Variants in PXDN observed in about 807,000 individuals in gnomAD.
PXDN encodes peroxidasin homolog.
Under a neutral mutation model 140.3 loss-of-function variants are expected in PXDN, and 77 were observed. The observed-to-expected ratio is 0.55, with a 90% CI of 0.46 to 0.66. The LOEUF (loss-of-function observed/expected upper bound fraction) is 0.66, where lower values mean the gene tolerates loss of function less well. Ranked by LOEUF, PXDN falls within the 30% of genes least tolerant of loss-of-function variation. The pLI is 0.00. For missense variants in PXDN, 1,838 were observed against 2,039.5 expected (o/e 0.90, Z 1.90); for synonymous variants, 911 against 857.4 (o/e 1.06, Z -1.09).
chr2:1,705,937 C>G (rs777331001), intron 1 of PXDN, among the ~76,000 whole-genome samples: 1 of 152,088 alleles, frequency 6.6e-6, no homozygotes, highest in South Asian at 2.1e-4. Context: ...AGCAGTTCTC[C>G]GTCCATTACG....
chr2:1,642,639 C>A (rs561814950), intron 19 of PXDN, among the ~76,000 whole-genome samples: 1 of 152,342 alleles, frequency 6.6e-6, no homozygotes, highest in Admixed American at 6.5e-5. Flanking sequence ...GGGATCTGAT[C>A]ATAGTTTGAA....
At chr2:1,732,434 G>C (rs909227807) in intron 1 of PXDN, among the ~76,000 whole-genome samples, 1 of 148,538 alleles carries the variant, frequency 6.7e-6, no homozygotes, top group African/African-American at 2.4e-5. Context: ...GGGGCCAGAA[G>C]GATCACAGGG....
chr2:1,680,215 G>C lies in PXDN; in HGVS notation c.708C>G (p.Ile236Met). 6.3e-7 allele frequency: 1 copy of C among 1,589,376 alleles called. No homozygotes were observed. The highest frequency in any genetic ancestry group is 8.6e-7 in the Non-Finnish European group (1 of 1,167,896). Residue 236 changes from isoleucine (I) to methionine (M), a missense_variant, in exon 7 of 23, where the codon ATC (isoleucine) becomes ATG (methionine). Around this residue, in one of 5 missense-constraint regions of PXDN, gnomAD observed 208 missense variants for 325.8 expected, o/e 0.64. Transcript: ENST00000252804. Reference protein sequence around the residue: ...RRIQGRSVATITPEELNCERP... With the variant: ...RRIQGRSVATMTPEELNCERP... ...CACCACAGTTCAGCTCTTCCGGGGT[G>C]ATGGTTGCCACTGAGCGTCCCTGGA...
rs1385882686 is a variant in PXDN at position 1,741,792 on chromosome 2, T to C, written c.200+2464A>G. Among the ~76,000 whole-genome samples, 4 of 152,134 alleles carry C rather than the reference T, an allele frequency of 2.6e-5. No homozygotes were observed. In the East Asian group the frequency reaches 5.8e-4, roughly 22 times the overall value. On this transcript the variant is annotated intron_variant, in intron 1 of 22. Transcript: ENST00000252804. ...TCTACCAAAAAATTGTAATAGAAAA[T>C]AATCACATATACATGAGAGCACAGT... is the stretch of plus-strand genomic sequence containing the variant.
chr2:1,721,565 G>T (rs190699901), intron 1 of PXDN, among the ~76,000 whole-genome samples: 44 of 152,272 alleles, frequency 2.9e-4, no homozygotes, highest in South Asian at 6.2e-4. Flanking sequence ...GGCCGGGTGC[G>T]GTGGCTCACG....
chr2:1,742,392 T>C (rs1377873932), intron 1 of PXDN, among the ~76,000 whole-genome samples: 1 of 152,186 alleles, frequency 6.6e-6, no homozygotes, highest in Non-Finnish European at 1.5e-5. Context: ...GATGCAAATG[T>C]ACCCTATGAG....
chr2:1,638,742 T>C, intron 21 of PXDN, 104 bp downstream of exon 21: 2 of 1,545,054 alleles, frequency 1.3e-6, no homozygotes, highest in South Asian at 2.3e-5. Flanking sequence ...TGTGGGCAGT[T>C]GAACAGTTGC....
chr2:1,708,287 C>T (rs539316815), intron 1 of PXDN, among the ~76,000 whole-genome samples: 6 of 152,232 alleles, frequency 3.9e-5, no homozygotes, highest in East Asian at 1.9e-4. Flanking sequence ...CCCAGCAGGA[C>T]GCTTTAGCCG....
chr2:1,663,568 A>G (rs1236115316), intron 12 of PXDN, 37 bp downstream of exon 12: 1 of 1,606,690 alleles, frequency 6.2e-7, no homozygotes, highest in Non-Finnish European at 8.5e-7. Flanking sequence ...AACCGATCTG[A>G]GAAAATCAAT....
At chr2:1,728,811 T>G (rs1167728075) in intron 1 of PXDN, among the ~76,000 whole-genome samples, 1 of 152,182 alleles carries the variant, frequency 6.6e-6, no homozygotes, top group Non-Finnish European at 1.5e-5. Flanking sequence ...AAACAAAGTG[T>G]CCTTCAACAG....
intron 13 of PXDN, among the ~76,000 whole-genome samples, chr2:1,661,637 CG>C (rs2125423599): frequency 6.6e-6 from 1 of 152,250 alleles, no homozygotes; most frequent in African/African-American, 2.4e-5. Context: ...CACAGAAACA[CG>C]GGTCATGGTG....
chr2:1,663,815 C>T, intron 11 of PXDN, 52 bp from the exon 12 acceptor site: 1 of 1,585,602 alleles, frequency 6.3e-7, no homozygotes. Flanking sequence ...TGGAGAACTC[C>T]TGCTCTCAGA....
chr2:1,653,797 T>C lies in PXDN; in HGVS notation c.1947-12A>G. On this transcript the variant is annotated splice_polypyrimidine_tract_variant and intron_variant, in intron 15 of 22. Transcript: ENST00000252804. Reference sequence around the variant, plus strand: ...GAGAACGAGGACGGCTAACCAGAGTTTAGGGGGAAGAAAGGAAGAATGAAA... The same window carrying C: ...GAGAACGAGGACGGCTAACCAGAGTCTAGGGGGAAGAAAGGAAGAATGAAA... 6.5e-7 allele frequency: 1 copy of C among 1,548,214 alleles called. No individual in the cohort carries two copies. The highest frequency in any genetic ancestry group is 8.8e-7 in the Non-Finnish European group (1 of 1,141,044).
At chr2:1,634,429 C>T in intron 22 of PXDN, 106 bp from the exon 23 acceptor site, 1 of 1,409,576 alleles carries the variant, frequency 7.1e-7, no homozygotes, top group Non-Finnish European at 9.5e-7. Flanking sequence ...TGAGTCAGGC[C>T]TTGCCCTGAG....
At chr2:1,653,460 G>A in intron 16 of PXDN, 168 bp downstream of exon 16, 2 of 1,032,390 alleles carry the variant, frequency 1.9e-6, no homozygotes, top group African/African-American at 1.6e-5. Context: ...AGAGCGACAG[G>A]GCTGTAGGGC....
intron 1 of PXDN, among the ~76,000 whole-genome samples, chr2:1,713,557 C>T (rs1684830644): frequency 6.6e-6 from 1 of 152,222 alleles, no homozygotes; most frequent in Non-Finnish European, 1.5e-5. Flanking sequence ...GCCGCCTCTC[C>T]CCACTGGCCG....
At chr2:1,704,350 G>A (rs1469462182) in intron 1 of PXDN, among the ~76,000 whole-genome samples, 4 of 72,776 alleles carry the variant, frequency 5.5e-5, no homozygotes, top group East Asian at 4.4e-4. Flanking sequence ...AGGTGAAAGA[G>A]GGACAACTCC....
chr2:1,648,688 T>A lies in PXDN; in HGVS notation c.3092A>T (p.Tyr1031Phe). Residue 1031 changes from tyrosine (Y) to phenylalanine (F), a missense_variant, in exon 17 of 23, where the codon TAC (tyrosine) becomes TTC (phenylalanine). Physicochemically the swap from Tyr to Phe is conservative, Grantham distance 22 (BLOSUM62 3). Transcript: ENST00000252804. This position sits in a 1 kb window ranked among gnomAD's most constrained non-coding sequence, Gnocchi z 8.9. ...CAGGATCTTCGGGAGCCAGTGCTGG[T>A]AGGTGATGTGCTGGATCTCCGCACC... is the stretch of plus-strand genomic sequence containing the variant. ...IVGAEIQHIT[Y>F]QHWLPKILGE... The A allele has an allele frequency of 6.2e-7, 1 of 1,607,794 alleles. No homozygotes were observed. Among genetic ancestry groups the A allele is most frequent in the Non-Finnish European group, 8.5e-7 (1 of 1,177,558 alleles).
chr2:1,697,014 G>T (rs1684314234), intron 1 of PXDN, among the ~76,000 whole-genome samples: 1 of 152,186 alleles, frequency 6.6e-6, no homozygotes, highest in South Asian at 2.1e-4. Flanking sequence ...AGATTCTAGA[G>T]AGCTCAGGAG....
Sources: gnomAD v4.1 joint callset for allele counts (sites outside exome capture counted in the v4.1 genomes callset) on GRCh38, gnomAD v4.1.1 for gene constraint, gnomAD v4.1.1 regional missense constraint, Gnocchi (gnomAD v3.1) non-coding constraint, MANE v1.5 for transcripts, NCBI Gene and HGNC (gene_info 2026-07-23, HGNC 2026-07-21) for gene names.